The following CTNNA3 variants were observed in gnomAD, a reference collection of about 807,000 sequenced individuals.
The protein encoded by CTNNA3 is catenin alpha-3.
A neutral mutation model predicts 95.7 loss-of-function variants in CTNNA3; 76 were observed. The ratio of observed to expected loss-of-function variants is 0.79; its 90% CI spans 0.66 to 0.96. The LOEUF is 0.96. Among genes scored for constraint, CTNNA3 ranks in the 40% least tolerant of loss-of-function variants. CTNNA3 has a pLI of 0.00. For missense variants in CTNNA3, 1,191 were observed against 1,089.8 expected, an observed-to-expected ratio of 1.09 and a Z score of -1.31; for synonymous variants, 431 against 374.4, an observed-to-expected ratio of 1.15 and a Z score of -1.74.
chr10:66,460,255 T>G (rs902796587), intron 11 of CTNNA3, among the ~76,000 whole-genome samples: 6 of 152,194 alleles, frequency 3.9e-5, no homozygotes, highest in South Asian at 2.1e-4. Context: ...CAGTTTAATT[T>G]AATGCTGCCC....
At chr10:67,427,938 G>A (rs1203754452) in intron 5 of CTNNA3, among the ~76,000 whole-genome samples, 1 of 152,068 alleles carries the variant, frequency 6.6e-6, no homozygotes, top group Non-Finnish European at 1.5e-5. Context: ...AGTGAACAGT[G>A]AGGTCTCAAG....
intron 7 of CTNNA3, among the ~76,000 whole-genome samples, chr10:67,140,628 G>A (rs1038616370): frequency 6.6e-6 from 1 of 152,154 alleles, no homozygotes; most frequent in African/African-American, 2.4e-5. Context: ...TGTATGAAAA[G>A]CAAACACGTT....
chr10:66,430,015 G>C (rs2093280168), intron 11 of CTNNA3, among the ~76,000 whole-genome samples: 1 of 136,630 alleles, frequency 7.3e-6, no homozygotes, highest in Admixed American at 7.4e-5. Flanking sequence ...CATCATCTCA[G>C]TCGAAAATCT....
chr10:66,269,777 C>G (rs972991545), intron 13 of CTNNA3, among the ~76,000 whole-genome samples: 7 of 152,154 alleles, frequency 4.6e-5, no homozygotes, highest in African/African-American at 1.7e-4. Context: ...AATACATACA[C>G]TAAGAAAGTC....
intron 9 of CTNNA3, among the ~76,000 whole-genome samples, chr10:66,733,000 T>C (rs1442018870): frequency 6.6e-6 from 1 of 151,988 alleles, no homozygotes; most frequent in Non-Finnish European, 1.5e-5. Flanking sequence ...TTCACCATGT[T>C]GAACTGGCTG....
chr10:67,692,736 TA>T (rs200961420), intron 1 of CTNNA3, among the ~76,000 whole-genome samples: 1,510 of 80,796 alleles, frequency 0.019, 17 homozygotes, highest in African/African-American at 0.059. Flanking sequence ...GAATGATCAA[TA>T]AAAAAAAAAA....
chr10:66,900,948 C>T (rs922394818), intron 7 of CTNNA3, among the ~76,000 whole-genome samples: 1 of 152,164 alleles, frequency 6.6e-6, no homozygotes, highest in Non-Finnish European at 1.5e-5. Flanking sequence ...AATTAGAAAA[C>T]ACTCTTCAGG....
chr10:67,005,687 T>TTTTTTTTGTTTGTTTG lies in CTNNA3; in HGVS notation c.1047+174629_1047+174630insCAAACAAACAAAAAAA, dbSNP rs774671149. Among the ~76,000 whole-genome samples the TTTTTTTTGTTTGTTTG allele has an allele frequency of 9.3e-3, 954 of 102,314 alleles. 42 individuals carry two copies. The highest frequency in any genetic ancestry group is 0.028 in the African/African-American group (913 of 32,440). The allele number at this position is 102,314 out of a possible 152,430, so 67.1% of individuals were successfully genotyped here. A position where few individuals can be genotyped will look rare whatever the true frequency, so the allele number is the denominator to read the frequency against. ...TTTTGTTTATTTTACTCCATCTTTT[T>TTTTTTTTGTTTGTTTG]TTTTTTTTTTTTTTTTGAGACGGAG... is the stretch of plus-strand genomic sequence containing the variant. On this transcript the variant is annotated intron_variant, in intron 7 of 17. Coordinates refer to ENST00000433211, the MANE Select transcript of CTNNA3 (RefSeq NM_013266.4).
At chr10:67,567,327 A>G (rs1305636033) in intron 3 of CTNNA3, among the ~76,000 whole-genome samples, 1 of 152,060 alleles carries the variant, frequency 6.6e-6, no homozygotes, top group East Asian at 1.9e-4. Context: ...TCATAAGTGA[A>G]ACAAGCCAGG....
chr10:66,482,441 C>T (rs943212244), intron 11 of CTNNA3, among the ~76,000 whole-genome samples: 30 of 152,068 alleles, frequency 2.0e-4, no homozygotes, highest in Non-Finnish European at 4.4e-4. Context: ...ACAGTTTTTA[C>T]AGACATTGGA....
chr10:65,987,210 A>G (rs947196336), intron 16 of CTNNA3, among the ~76,000 whole-genome samples: 3 of 152,196 alleles, frequency 2.0e-5, no homozygotes, highest in South Asian at 2.1e-4. Flanking sequence ...ATATCAAACT[A>G]AAAAGGTTTT....
chr10:67,298,308 A>G (rs1840127247), intron 5 of CTNNA3, among the ~76,000 whole-genome samples: 1 of 152,214 alleles, frequency 6.6e-6, no homozygotes, highest in African/African-American at 2.4e-5. Context: ...TATGTATTGC[A>G]TTCAAAATCC....
At position 66,904,792 on chromosome 10, in the gene CTNNA3, A is replaced by G. The variant is rs377342147; in HGVS notation, c.1048-129268T>C. Among the ~76,000 whole-genome samples, 7 of 152,366 alleles carry G rather than the reference A, an allele frequency of 4.6e-5. No homozygotes were observed. The East Asian group carries it at 1.3e-3, about 29-fold the overall frequency. On this transcript the variant is annotated intron_variant, in intron 7 of 17. Coordinates refer to ENST00000433211, the MANE Select transcript of CTNNA3 (RefSeq NM_013266.4). ...AAGATGCTCATCATCACTGGTCATC[A>G]GATAAATGCAAATCAAAACCACAAT...
chr10:67,110,960 C>T (rs1858884854), intron 7 of CTNNA3, among the ~76,000 whole-genome samples: 2 of 152,108 alleles, frequency 1.3e-5, no homozygotes, highest in African/African-American at 2.4e-5. Context: ...GGAATAAATA[C>T]ATCTTAAATT....
intron 5 of CTNNA3, among the ~76,000 whole-genome samples, chr10:67,338,051 TATTA>T (rs1181159151): frequency 6.6e-6 from 1 of 152,212 alleles, no homozygotes; most frequent in African/African-American, 2.4e-5. Context: ...ACTTGAAATG[TATTA>T]ATTAATTTGT....
At chr10:65,973,809 G>A (rs1437238603) in intron 16 of CTNNA3, among the ~76,000 whole-genome samples, 2 of 151,976 alleles carry the variant, frequency 1.3e-5, no homozygotes, top group East Asian at 3.9e-4. Flanking sequence ...ACTATCCTGA[G>A]GACAGCTCAT....
At chr10:66,429,791 A>G (rs1015857678) in intron 11 of CTNNA3, among the ~76,000 whole-genome samples, 11 of 152,100 alleles carry the variant, frequency 7.2e-5, no homozygotes, top group African/African-American at 2.7e-4. Flanking sequence ...CCCACAACCA[A>G]TATCATACTG....
At chr10:66,465,322 T>C (rs889951372) in intron 11 of CTNNA3, among the ~76,000 whole-genome samples, 4 of 152,146 alleles carry the variant, frequency 2.6e-5, no homozygotes, top group African/African-American at 9.7e-5. Flanking sequence ...CTGAGACTTG[T>C]AGTTGGTTAT....
intron 7 of CTNNA3, among the ~76,000 whole-genome samples, chr10:67,011,846 T>C (rs527828624): frequency 5.3e-4 from 81 of 152,128 alleles, no homozygotes; most frequent in African/African-American, 1.9e-3. Flanking sequence ...GACCTACAGG[T>C]TGCATGTGGC....
Sources: gnomAD v4.1 joint callset for allele counts (sites outside exome capture counted in the v4.1 genomes callset) on GRCh38, gnomAD v4.1.1 for gene constraint, MANE v1.5 for transcripts, NCBI Gene and HGNC (gene_info 2026-07-23, HGNC 2026-07-21) for gene names.